MTMR2: variants seen among roughly 807,000 people sequenced by gnomAD.
MTMR2 encodes the protein phosphatidylinositol-3,5-bisphosphate 3-phosphatase MTMR2.
A neutral mutation model predicts 86.9 loss-of-function variants in MTMR2; 55 were observed. That is an observed-to-expected ratio of 0.63 (90% CI 0.51 to 0.79). The LOEUF is 0.79. MTMR2 is among the 30% of genes least tolerant of loss of function. MTMR2 has a pLI of 0.00. For missense variants in MTMR2, 659 were observed against 772.3 expected (o/e 0.85, Z 1.74); for synonymous variants, 241 against 266.8 (o/e 0.90, Z 0.94).
At chr11:95,846,547 G>C (rs998054196) in intron 10 of MTMR2, among the ~76,000 whole-genome samples, 2 of 152,186 alleles carry the variant, frequency 1.3e-5, no homozygotes, top group African/African-American at 4.8e-5. Flanking sequence ...GCAGAGACCA[G>C]AAGAGAGTGA....
intron 1 of MTMR2, among the ~76,000 whole-genome samples, chr11:95,900,111 T>C (rs142076722): frequency 2.9e-3 from 437 of 152,202 alleles, no homozygotes; most frequent in Admixed American, 6.3e-3. Context: ...ATGACAAAGA[T>C]AGAAAATATA....
chr11:95,882,010 G>A lies in MTMR2; in HGVS notation c.186+6146C>T, dbSNP rs138423541. 4.6e-4 allele frequency among the ~76,000 whole-genome samples: 70 copies of A among 152,168 alleles called. No homozygotes were observed. The East Asian group carries it at 0.013, about 29-fold the overall frequency. On this transcript the variant is annotated intron_variant, in intron 2 of 14. Transcript: ENST00000346299. ...TTCAATTCCTAGGTTCTTAAGAGTT[G>A]ATATTGTTGGTAAGGGAGGTCGTGG...
At chr11:95,850,536 T>C (rs1863975459) in intron 8 of MTMR2, 64 bp downstream of exon 8, 1 of 1,498,016 alleles carries the variant, frequency 6.7e-7, no homozygotes, top group Non-Finnish European at 9.3e-7. Context: ...CTCCTACTCA[T>C]TAATCTCAGC....
At chr11:95,858,938 C>T (rs907476135) in intron 5 of MTMR2, among the ~76,000 whole-genome samples, 3 of 152,184 alleles carry the variant, frequency 2.0e-5, no homozygotes, top group African/African-American at 4.8e-5. Context: ...AACGATATTA[C>T]ATCTGAAGAT....
chr11:95,851,296 G>A (rs1050095745), intron 7 of MTMR2, among the ~76,000 whole-genome samples: 3 of 151,626 alleles, frequency 2.0e-5, no homozygotes, highest in African/African-American at 7.3e-5. Context: ...ACCTACCTTG[G>A]CCTCCCAAAG....
intron 1 of MTMR2, among the ~76,000 whole-genome samples, chr11:95,922,190 A>G (rs948697456): frequency 2.0e-5 from 3 of 152,226 alleles, no homozygotes; most frequent in African/African-American, 7.2e-5. Flanking sequence ...TAGAAAGTCT[A>G]AATGAAAAGA....
In MTMR2 at chr11:95,834,077, T is replaced by C. The variant is rs1167071693; in HGVS notation, c.*1213A>G. On this transcript the variant is annotated 3_prime_UTR_variant, in exon 15 of 15. Transcript: ENST00000346299. ...GGGGAAAAAAAAGAAATGGCAACTT[T>C]GGACAAGAACAAAGTTTAAAAGTCA... The C allele has an allele frequency of 2.0e-5, 3 of 152,532 alleles. No individual in the cohort carries two copies. Among genetic ancestry groups the C allele is most frequent in the Non-Finnish European group, 2.9e-5 (2 of 68,004 alleles). 9.4% of individuals were successfully genotyped at this position (152,532 alleles called of 1,614,324 possible). A position where few individuals can be genotyped will look rare whatever the true frequency, so the allele number is the denominator to read the frequency against.
At position 95,850,810 on chromosome 11, in the gene MTMR2, G is replaced by C. The variant is rs981453511; in HGVS notation, c.655-61C>G. ...ATAACTAAAATATTAAACGACACCA[G>C]GACAGAAGCCATCCTGTTCAATCTC... On this transcript the variant is annotated intron_variant, in intron 7 of 14. Coordinates refer to ENST00000346299, the MANE Select transcript of MTMR2 (RefSeq NM_016156.6). The C allele has an allele frequency of 3.4e-4, 500 of 1,490,202 alleles. 3 individuals carry two copies. The highest frequency in any genetic ancestry group is 5.4e-5 in the Non-Finnish European group (58 of 1,075,340). The allele number at this position is 1,490,202 out of a possible 1,614,324, so 92.3% of individuals were successfully genotyped here.
intron 1 of MTMR2, among the ~76,000 whole-genome samples, chr11:95,911,377 CT>C (rs1393224336): frequency 6.6e-6 from 1 of 152,120 alleles, no homozygotes; most frequent in African/African-American, 2.4e-5. Context: ...TCTGTTTTTT[CT>C]CCAGAGTATT....
At chr11:95,918,536 T>C (rs1866793608) in intron 1 of MTMR2, among the ~76,000 whole-genome samples, 1 of 152,212 alleles carries the variant, frequency 6.6e-6, no homozygotes, top group East Asian at 1.9e-4. Context: ...GTCAGACCAA[T>C]ATTGTTTCTT....
At chr11:95,901,100 G>A (rs1275672759) in intron 1 of MTMR2, among the ~76,000 whole-genome samples, 2 of 152,096 alleles carry the variant, frequency 1.3e-5, no homozygotes, top group Middle Eastern at 3.2e-3. Context: ...TCTCTTGAAA[G>A]CTCTCACCTT....
At chr11:95,847,553 C>A (rs1376601304) in intron 10 of MTMR2, among the ~76,000 whole-genome samples, 161 bp downstream of exon 10, 2 of 152,086 alleles carry the variant, frequency 1.3e-5, no homozygotes, top group Non-Finnish European at 2.9e-5. Context: ...CCAATTCATT[C>A]AAACATTAAA....
At chr11:95,860,759 TA>T (rs1163023815) in intron 5 of MTMR2, among the ~76,000 whole-genome samples, 23 of 152,210 alleles carry the variant, frequency 1.5e-4, no homozygotes, top group African/African-American at 5.3e-4. Context: ...GGTAAAAATG[TA>T]ACAATCTATG....
At chr11:95,916,923 T>C (rs1866733066) in intron 1 of MTMR2, among the ~76,000 whole-genome samples, 1 of 152,158 alleles carries the variant, frequency 6.6e-6, no homozygotes, top group Non-Finnish European at 1.5e-5. Flanking sequence ...AATGACAACA[T>C]TGGTACCTAT....
At chr11:95,897,328 G>A (rs1446320837) in intron 1 of MTMR2, among the ~76,000 whole-genome samples, 3 of 151,946 alleles carry the variant, frequency 2.0e-5, no homozygotes, top group African/African-American at 4.8e-5. Flanking sequence ...CACACACGAT[G>A]CACACATGCA....
intron 9 of MTMR2, among the ~76,000 whole-genome samples, chr11:95,849,190 T>A (rs1453167318): frequency 6.6e-6 from 1 of 152,128 alleles, no homozygotes; most frequent in African/African-American, 2.4e-5. Context: ...GCTGGAACAA[T>A]CAGCTACAGC....
At chr11:95,923,804 C>A in intron 1 of MTMR2, 71 bp downstream of exon 1, 2 of 1,518,140 alleles carry the variant, frequency 1.3e-6, no homozygotes, top group Non-Finnish European at 1.8e-6. Flanking sequence ...ATTGGGGCAA[C>A]AATCCAGCAG....
At chr11:95,911,329 C>G (rs1238554377) in intron 1 of MTMR2, among the ~76,000 whole-genome samples, 4 of 152,152 alleles carry the variant, frequency 2.6e-5, no homozygotes, top group Non-Finnish European at 5.9e-5. Flanking sequence ...GCAGCAGAGT[C>G]TGAACAACCA....
intron 2 of MTMR2, among the ~76,000 whole-genome samples, chr11:95,872,007 C>T (rs1864908828): frequency 6.6e-6 from 1 of 152,158 alleles, no homozygotes; most frequent in African/African-American, 2.4e-5. Flanking sequence ...TTCCCCATTT[C>T]TTGTTTTTGT....
Sources: gnomAD v4.1 joint callset for allele counts (sites outside exome capture counted in the v4.1 genomes callset) on GRCh38, gnomAD v4.1.1 for gene constraint, MANE v1.5 for transcripts, NCBI Gene and HGNC (gene_info 2026-07-23, HGNC 2026-07-21) for gene names.